Variants in NOL4 observed in about 807,000 individuals in gnomAD.
The protein encoded by NOL4 is nucleolar protein 4, also known as cancer/testis antigen 125.
Under a neutral mutation model 75.9 loss-of-function variants are expected in NOL4, and 17 were observed. That is an observed-to-expected ratio of 0.22 (90% CI 0.15 to 0.34). NOL4 has a LOEUF of 0.34. Among genes scored for constraint, NOL4 ranks in the 10% least tolerant of loss-of-function variants. The pLI, the probability that NOL4 is intolerant of heterozygous loss-of-function variation, is 1.00. For missense variants in NOL4, 614 were observed against 793.5 expected (o/e 0.77, Z 2.72); for synonymous variants, 292 against 289.9 (o/e 1.01, Z -0.07).
At chr18:33,890,136 C>A (rs1367140865) in intron 9 of NOL4, among the ~76,000 whole-genome samples, 1 of 152,104 alleles carries the variant, frequency 6.6e-6, no homozygotes, top group Non-Finnish European at 1.5e-5. Flanking sequence ...ATTTAGAAAA[C>A]CCCATCGTCT....
chr18:34,146,571 T>C lies in NOL4; in HGVS notation c.265-16551A>G, dbSNP rs556169191. On this transcript the variant is annotated intron_variant, in intron 1 of 10. Coordinates refer to ENST00000261592, the MANE Select transcript of NOL4 (RefSeq NM_003787.5). ...CGTTATTTCTGAGGCCTCTGTTCTG[T>C]TCCAGTGGTCTATATATCTCTTTTG... 2.6e-5 allele frequency among the ~76,000 whole-genome samples: 4 copies of C among 152,304 alleles called. No homozygotes were observed. In the East Asian group the frequency reaches 7.7e-4, roughly 29 times the overall value.
intron 2 of NOL4, among the ~76,000 whole-genome samples, chr18:34,110,651 T>G (rs1295879065): frequency 6.6e-6 from 1 of 152,164 alleles, no homozygotes; most frequent in Non-Finnish European, 1.5e-5. Flanking sequence ...TTTTGTCACT[T>G]GTATTCAATA....
At chr18:34,039,984 T>C (rs1188897861) in intron 5 of NOL4, among the ~76,000 whole-genome samples, 1 of 152,006 alleles carries the variant, frequency 6.6e-6, no homozygotes, top group Non-Finnish European at 1.5e-5. Context: ...ATGTAAGTAT[T>C]CTGAGCATCT....
At chr18:34,014,388 T>G (rs1022636396) in intron 6 of NOL4, among the ~76,000 whole-genome samples, 9 of 152,034 alleles carry the variant, frequency 5.9e-5, no homozygotes, top group African/African-American at 2.2e-4. Flanking sequence ...TTGGAAACAT[T>G]ATTCTTCTGG....
chr18:34,100,040 C>CTT (rs34923263), intron 4 of NOL4, among the ~76,000 whole-genome samples: 9 of 144,064 alleles, frequency 6.2e-5, no homozygotes, highest in South Asian at 2.3e-4. Context: ...CTTAGTCTTG[C>CTT]TTTTTTTTTT....
At chr18:34,067,797 G>A (rs2077343258) in intron 5 of NOL4, among the ~76,000 whole-genome samples, 2 of 152,020 alleles carry the variant, frequency 1.3e-5, no homozygotes, top group African/African-American at 4.8e-5. Flanking sequence ...CTCAGTTTGG[G>A]ATGTGTTTAT....
At chr18:34,207,745 G>A (rs1397715917) in intron 1 of NOL4, among the ~76,000 whole-genome samples, 2 of 152,100 alleles carry the variant, frequency 1.3e-5, no homozygotes, top group East Asian at 1.9e-4. Flanking sequence ...ATGGGATTGA[G>A]GCCATCTCCA....
intron 6 of NOL4, among the ~76,000 whole-genome samples, chr18:33,975,736 C>T (rs1033808332): frequency 6.6e-6 from 1 of 152,188 alleles, no homozygotes; most frequent in African/African-American, 2.4e-5. Context: ...GTTGGCGCCA[C>T]TGCACTCCAG....
chr18:33,877,734 C>T (rs2064013244), intron 10 of NOL4, among the ~76,000 whole-genome samples: 1 of 151,854 alleles, frequency 6.6e-6, no homozygotes, highest in African/African-American at 2.4e-5. Flanking sequence ...CACTTATATG[C>T]CTGCATACCT....
At chr18:33,999,469 T>G (rs553339138) in intron 6 of NOL4, among the ~76,000 whole-genome samples, 1 of 152,132 alleles carries the variant, frequency 6.6e-6, no homozygotes. Context: ...GTTTATTGAC[T>G]AGTATCTTTA....
chr18:34,137,334 C>T (rs2080933723), intron 1 of NOL4, among the ~76,000 whole-genome samples: 2 of 151,884 alleles, frequency 1.3e-5, no homozygotes, highest in African/African-American at 4.8e-5. Context: ...ATAATACCAC[C>T]AGAAAGTGAA....
chr18:34,153,628 G>T (rs1477909826), intron 1 of NOL4, among the ~76,000 whole-genome samples: 3 of 151,894 alleles, frequency 2.0e-5, no homozygotes, highest in African/African-American at 7.2e-5. Flanking sequence ...CATTTCAGTA[G>T]GTCAGGTCAT....
At chr18:33,961,372 G>A (rs1025746429) in intron 6 of NOL4, among the ~76,000 whole-genome samples, 3 of 152,022 alleles carry the variant, frequency 2.0e-5, no homozygotes, top group Non-Finnish European at 4.4e-5. Flanking sequence ...GGCCTGAATA[G>A]AATACAAAGC....
intron 9 of NOL4, among the ~76,000 whole-genome samples, chr18:33,892,311 G>GAATGTGCCTGTATC (rs1423568232): frequency 2.0e-5 from 3 of 152,026 alleles, no homozygotes; most frequent in African/African-American, 7.2e-5. Flanking sequence ...TGTGCCTGTA[G>GAATGTGCCTGTATC]TCCTAGCTAC....
At chr18:34,083,402 C>T (rs768987450) in intron 5 of NOL4, among the ~76,000 whole-genome samples, 2 of 152,002 alleles carry the variant, frequency 1.3e-5, no homozygotes, top group Non-Finnish European at 2.9e-5. Context: ...TAAGGAAGGG[C>T]CAGCTGGGAG....
At chr18:34,162,415 A>G (rs998329946) in intron 1 of NOL4, among the ~76,000 whole-genome samples, 2 of 152,172 alleles carry the variant, frequency 1.3e-5, no homozygotes, top group Admixed American at 6.5e-5. Flanking sequence ...TATCACTACC[A>G]ATCCCACAGA....
intron 2 of NOL4, among the ~76,000 whole-genome samples, chr18:34,111,382 C>T (rs1195791975): frequency 1.3e-5 from 2 of 151,782 alleles, no homozygotes; most frequent in African/African-American, 4.8e-5. Context: ...AACTTAATCC[C>T]CAGTCTAGTA....
chr18:33,853,843 G>T (rs1382117721), intron 10 of NOL4, among the ~76,000 whole-genome samples: 1 of 151,898 alleles, frequency 6.6e-6, no homozygotes, highest in Non-Finnish European at 1.5e-5. Context: ...TAAGCCATCT[G>T]GTGGGTATGC....
intron 1 of NOL4, among the ~76,000 whole-genome samples, chr18:34,202,736 TAAAGAG>T (rs777744314): frequency 1.3e-5 from 2 of 152,010 alleles, no homozygotes; most frequent in Admixed American, 6.6e-5. Context: ...TAATTGCTCA[TAAAGAG>T]AAAGTGTGAC....
Sources: gnomAD v4.1 joint callset for allele counts (sites outside exome capture counted in the v4.1 genomes callset) on GRCh38, gnomAD v4.1.1 for gene constraint, MANE v1.5 for transcripts, NCBI Gene and HGNC (gene_info 2026-07-23, HGNC 2026-07-21) for gene names.